Variants in GPC5 observed in about 807,000 individuals in gnomAD.
The protein encoded by GPC5 is glypican 5.
In GPC5, 47 loss-of-function variants were observed where a neutral mutation model predicts 53.9. The ratio of observed to expected loss-of-function variants is 0.87; its 90% CI spans 0.69 to 1.11. The LOEUF (loss-of-function observed/expected upper bound fraction) is 1.11. GPC5 is among the 50% of genes most tolerant of loss of function. GPC5 has a pLI of 0.00. For missense variants in GPC5, 748 were observed against 713.1 expected (o/e 1.05, Z -0.56); for synonymous variants, 286 against 263.3 (o/e 1.09, Z -0.84).
intron 7 of GPC5, among the ~76,000 whole-genome samples, chr13:92,355,674 C>G (rs972082557): frequency 2.6e-5 from 4 of 152,068 alleles, no homozygotes; most frequent in African/African-American, 9.7e-5. Context: ...ATTCAACATG[C>G]TGACTTCTTT....
At chr13:91,573,989 A>G (rs1178702462) in intron 2 of GPC5, among the ~76,000 whole-genome samples, 3 of 152,176 alleles carry the variant, frequency 2.0e-5, no homozygotes, top group Non-Finnish European at 4.4e-5. Flanking sequence ...TATTATCTCT[A>G]GTAAATAGTT....
chr13:92,759,893 C>T lies in GPC5; in HGVS notation c.1562-106389C>T, dbSNP rs543318721. ...TATTATAGTGAGAAACTTTCCTTTACACCTAAACAGTTAAGAGTTTTTATC... is the reference window on the plus strand; with the variant it reads ...TATTATAGTGAGAAACTTTCCTTTATACCTAAACAGTTAAGAGTTTTTATC... On this transcript the variant is annotated intron_variant, in intron 7 of 7. Coordinates refer to ENST00000377067, the MANE Select transcript of GPC5 (RefSeq NM_004466.6). Among the ~76,000 whole-genome samples the T allele has an allele frequency of 4.6e-5, 7 of 152,120 alleles. No homozygotes were observed. The South Asian group carries it at 1.0e-3, about 23-fold the overall frequency.
chr13:91,993,596 G>T (rs928129626), intron 6 of GPC5, among the ~76,000 whole-genome samples: 1 of 152,204 alleles, frequency 6.6e-6, no homozygotes, highest in Non-Finnish European at 1.5e-5. Flanking sequence ...GGTTGAATGT[G>T]TGTGTCTGTG....
intron 7 of GPC5, among the ~76,000 whole-genome samples, chr13:92,713,333 T>TTGTA (rs1285855644): frequency 6.6e-6 from 1 of 151,262 alleles, no homozygotes; most frequent in Non-Finnish European, 1.5e-5. Context: ...TGGCTCACGC[T>TTGTA]TGTAATCCCA....
At chr13:92,645,169 C>T (rs2099834363) in intron 7 of GPC5, among the ~76,000 whole-genome samples, 2 of 152,078 alleles carry the variant, frequency 1.3e-5, no homozygotes, top group African/African-American at 4.8e-5. Flanking sequence ...TCCTTTCTAC[C>T]ATGCCTAGCT....
chr13:91,981,929 G>C (rs1004837972), intron 6 of GPC5, among the ~76,000 whole-genome samples: 7 of 152,144 alleles, frequency 4.6e-5, no homozygotes, highest in Non-Finnish European at 1.0e-4. Flanking sequence ...AATGATGAGA[G>C]GCTGGAACAG....
At chr13:91,965,457 C>T (rs561070215) in intron 6 of GPC5, among the ~76,000 whole-genome samples, 2 of 152,254 alleles carry the variant, frequency 1.3e-5, no homozygotes, top group Non-Finnish European at 2.9e-5. Flanking sequence ...ATTTCTATTT[C>T]TTCTTACACC....
At chr13:91,544,654 C>T (rs1411629442) in intron 2 of GPC5, among the ~76,000 whole-genome samples, 1 of 152,132 alleles carries the variant, frequency 6.6e-6, no homozygotes, top group East Asian at 1.9e-4. Flanking sequence ...TTCATTTTCT[C>T]CCTGTGCTTT....
chr13:91,771,975 G>T (rs1187477956), intron 5 of GPC5, among the ~76,000 whole-genome samples: 1 of 152,140 alleles, frequency 6.6e-6, no homozygotes, highest in Non-Finnish European at 1.5e-5. Context: ...AAGAATATGG[G>T]TAGTTACTGC....
chr13:92,802,736 G>A (rs1464305726), intron 7 of GPC5, among the ~76,000 whole-genome samples: 1 of 151,856 alleles, frequency 6.6e-6, no homozygotes, highest in Non-Finnish European at 1.5e-5. Flanking sequence ...CTCATAGGTG[G>A]GAATTGAACA....
At chr13:92,289,654 T>C (rs943835477) in intron 7 of GPC5, among the ~76,000 whole-genome samples, 19 of 151,962 alleles carry the variant, frequency 1.3e-4, no homozygotes, top group Non-Finnish European at 2.2e-4. Context: ...CAAATAATAA[T>C]CATAGTAAAT....
intron 3 of GPC5, among the ~76,000 whole-genome samples, chr13:91,714,903 G>T (rs979198834): frequency 3.9e-5 from 6 of 152,206 alleles, no homozygotes; most frequent in African/African-American, 1.4e-4. Context: ...TTCCAGGTCC[G>T]GGGGTGTTAC....
At chr13:91,647,147 T>G (rs2034580493) in intron 2 of GPC5, among the ~76,000 whole-genome samples, 1 of 151,514 alleles carries the variant, frequency 6.6e-6, no homozygotes, top group African/African-American at 2.4e-5. Flanking sequence ...TCATGTAATA[T>G]TTAAGGGCTT....
chr13:92,421,930 G>GA (rs1455888590), intron 7 of GPC5, among the ~76,000 whole-genome samples: 2 of 151,908 alleles, frequency 1.3e-5, no homozygotes, highest in Admixed American at 6.6e-5. Context: ...GTCCAGCTTG[G>GA]AATACATACC....
At chr13:91,632,640 C>A (rs973285792) in intron 2 of GPC5, among the ~76,000 whole-genome samples, 4 of 152,070 alleles carry the variant, frequency 2.6e-5, no homozygotes, top group African/African-American at 4.8e-5. Flanking sequence ...TCACTTTAAA[C>A]TTACCTGAGA....
intron 6 of GPC5, among the ~76,000 whole-genome samples, chr13:91,957,180 T>G (rs2139068948): frequency 6.6e-6 from 1 of 152,218 alleles, no homozygotes; most frequent in South Asian, 2.1e-4. Context: ...GAATTAAATT[T>G]AAAAAGTACA....
chr13:92,620,093 C>T (rs1884822986), intron 7 of GPC5, among the ~76,000 whole-genome samples: 1 of 152,000 alleles, frequency 6.6e-6, no homozygotes, highest in African/African-American at 2.4e-5. Flanking sequence ...ACAATGATCA[C>T]TTTTTATTAT....
chr13:92,787,680 A>G (rs1232170894), intron 7 of GPC5, among the ~76,000 whole-genome samples: 6 of 148,690 alleles, frequency 4.0e-5, no homozygotes, highest in East Asian at 2.0e-4. Flanking sequence ...AAAAAAAAAA[A>G]AAAGAAAAGA....
At chr13:92,589,712 A>G (rs974474524) in intron 7 of GPC5, among the ~76,000 whole-genome samples, 1 of 152,216 alleles carries the variant, frequency 6.6e-6, no homozygotes, top group Non-Finnish European at 1.5e-5. Context: ...TGGTGACCCA[A>G]TCAAGTTATT....
Sources: allele counts gnomAD v4.1 joint callset (sites outside exome capture counted in the v4.1 genomes callset), GRCh38; gene constraint gnomAD v4.1.1; transcripts MANE v1.5; gene names NCBI Gene and HGNC (gene_info 2026-07-23, HGNC 2026-07-21).